Variants in KIAA0825 observed in about 807,000 individuals in gnomAD.
KIAA0825 encodes KIAA0825, also known as uncharacterized protein KIAA0825.
Under a neutral mutation model 147.6 loss-of-function variants are expected in KIAA0825, and 119 were observed. That is an observed-to-expected ratio of 0.81 (90% CI 0.69 to 0.94). KIAA0825 has a LOEUF of 0.94. Ranked by LOEUF, KIAA0825 falls within the 40% of genes least tolerant of loss-of-function variation. The pLI is 0.00. For synonymous variants in KIAA0825, 470 were observed against 518.1 expected, an observed-to-expected ratio of 0.91 and a Z score of 1.26; for missense variants, 1,381 against 1,472.7, an observed-to-expected ratio of 0.94 and a Z score of 1.02.
chr5:94,570,930 CTTAG>C (rs1252407612), intron 2 of KIAA0825, among the ~76,000 whole-genome samples: 3 of 152,154 alleles, frequency 2.0e-5, no homozygotes, highest in South Asian at 2.1e-4. Context: ...CCATGTCATA[CTTAG>C]TTATTTTTGT....
At chr5:94,207,573 T>C (rs1772320343) in intron 20 of KIAA0825, among the ~76,000 whole-genome samples, 1 of 152,206 alleles carries the variant, frequency 6.6e-6, no homozygotes, top group Non-Finnish European at 1.5e-5. Flanking sequence ...TTTTTTCAAG[T>C]GCATATTCTC....
rs144612994 is a variant in KIAA0825, at chr5:94,547,736, C to CAAAAAA, written c.-1-10615_-1-10610dup. On this transcript the variant is annotated intron_variant, in intron 2 of 20. Coordinates refer to ENST00000682413, the MANE Select transcript of KIAA0825 (RefSeq NM_001145678.3). Reference sequence around the variant, plus strand: ...TGCACGACAGGGTAAGACTCCCTTTCAAAAAAAAAAAGAATCGTAAAAGCA... The same window carrying CAAAAAA: ...TGCACGACAGGGTAAGACTCCCTTTCAAAAAAAAAAAAAAAAAGAATCGTAAAAGCA... Among the ~76,000 whole-genome samples, 288 of 127,672 alleles carry CAAAAAA rather than the reference C, an allele frequency of 2.3e-3. 2 individuals are homozygous for CAAAAAA. The highest frequency in any genetic ancestry group is 3.8e-3 in the Middle Eastern group (1 of 262). 83.8% of individuals were successfully genotyped at this position (127,672 alleles called of 152,430 possible).
intron 2 of KIAA0825, among the ~76,000 whole-genome samples, chr5:94,563,074 G>C (rs1443068098): frequency 6.6e-6 from 1 of 152,062 alleles, no homozygotes; most frequent in Non-Finnish European, 1.5e-5. Context: ...GGGCACGGTA[G>C]CTCACGCCTG....
chr5:94,593,253 A>G (rs1318742280), intron 1 of KIAA0825: 3 of 764,440 alleles, frequency 3.9e-6, no homozygotes, highest in Non-Finnish European at 7.3e-6. Flanking sequence ...CCTCTTGCTT[A>G]GCAGATCAGC....
intron 20 of KIAA0825, among the ~76,000 whole-genome samples, chr5:94,225,179 C>T (rs781272053): frequency 6.6e-6 from 1 of 152,058 alleles, no homozygotes; most frequent in Non-Finnish European, 1.5e-5. Flanking sequence ...AGTTGAAATG[C>T]CAACTGTGTG....
At chr5:94,183,379 T>C (rs1562299739) in intron 20 of KIAA0825, among the ~76,000 whole-genome samples, 1 of 152,178 alleles carries the variant, frequency 6.6e-6, no homozygotes, top group Non-Finnish European at 1.5e-5. Flanking sequence ...TAGGAGCATG[T>C]TTTGTTATAA....
At chr5:94,211,442 C>T (rs979174900) in intron 20 of KIAA0825, among the ~76,000 whole-genome samples, 29 of 152,166 alleles carry the variant, frequency 1.9e-4, no homozygotes, top group Non-Finnish European at 3.8e-4. Flanking sequence ...CAAGTCACCC[C>T]TTTGGTATCT....
At chr5:94,216,274 G>C (rs1773188213) in intron 20 of KIAA0825, among the ~76,000 whole-genome samples, 1 of 152,190 alleles carries the variant, frequency 6.6e-6, no homozygotes, top group African/African-American at 2.4e-5. Flanking sequence ...CAGTGTTCAA[G>C]GAAGATCACT....
intron 15 of KIAA0825, among the ~76,000 whole-genome samples, chr5:94,412,069 T>G (rs1399832414): frequency 9.2e-5 from 14 of 152,090 alleles, no homozygotes; most frequent in Non-Finnish European, 2.1e-4. Context: ...AATATATGTA[T>G]AAAACAAAGA....
intron 20 of KIAA0825, among the ~76,000 whole-genome samples, chr5:94,371,342 A>C (rs1446795968): frequency 1.3e-5 from 2 of 152,182 alleles, no homozygotes; most frequent in African/African-American, 4.8e-5. Flanking sequence ...AAAATACTGT[A>C]ATATTAATAG....
At chr5:94,311,035 T>C (rs1779122633) in intron 20 of KIAA0825, among the ~76,000 whole-genome samples, 3 of 151,596 alleles carry the variant, frequency 2.0e-5, no homozygotes, top group African/African-American at 7.3e-5. Context: ...TTTTGTAAAA[T>C]TGTAGAAAAA....
chr5:94,565,013 T>TCTCTCTCC (rs777953428), intron 2 of KIAA0825, among the ~76,000 whole-genome samples: 1 of 112,428 alleles, frequency 8.9e-6, no homozygotes, highest in East Asian at 2.3e-4. Flanking sequence ...TCTCTCCCTC[T>TCTCTCTCC]CTCTCTCTCT....
rs1297089008 is a variant in KIAA0825 at position 94,393,129 on chromosome 5, C to T, written c.3297-1435G>A. Among the ~76,000 whole-genome samples the T allele has an allele frequency of 2.6e-5, 4 of 152,144 alleles. No individual in the cohort carries two copies. The East Asian group carries it at 7.7e-4, about 29-fold the overall frequency. Reference sequence around the variant, plus strand: ...TGCAGGTGAAGCAAATGATTGGATTCAGTCAATGCTATGATTAATGAGTTC... The same window carrying T: ...TGCAGGTGAAGCAAATGATTGGATTTAGTCAATGCTATGATTAATGAGTTC... On this transcript the variant is annotated intron_variant, in intron 17 of 20. Coordinates refer to ENST00000682413, the MANE Select transcript of KIAA0825 (RefSeq NM_001145678.3).
chr5:94,459,847 G>C (rs138259560), intron 12 of KIAA0825, among the ~76,000 whole-genome samples: 198 of 152,124 alleles, frequency 1.3e-3, no homozygotes, highest in Non-Finnish European at 2.5e-3. Context: ...ATATACATAT[G>C]AAATTTATTA....
At chr5:94,468,183 T>G (rs571063124) in intron 10 of KIAA0825, among the ~76,000 whole-genome samples, 2 of 152,160 alleles carry the variant, frequency 1.3e-5, no homozygotes, top group Non-Finnish European at 2.9e-5. Flanking sequence ...TTAAAATACT[T>G]GGTAACTTCA....
chr5:94,580,545 C>T (rs73132682), intron 2 of KIAA0825, among the ~76,000 whole-genome samples: 2 of 150,656 alleles, frequency 1.3e-5, no homozygotes, highest in African/African-American at 4.9e-5. Flanking sequence ...GTGTTCCTGG[C>T]TGCTCCTTTG....
chr5:94,177,364 A>G (rs1769196301), intron 20 of KIAA0825, among the ~76,000 whole-genome samples: 2 of 152,060 alleles, frequency 1.3e-5, no homozygotes, highest in African/African-American at 2.4e-5. Flanking sequence ...ACCTGCTCCT[A>G]GATTCTGTGG....
chr5:94,189,663 C>T (rs1453588118), intron 20 of KIAA0825, among the ~76,000 whole-genome samples: 1 of 152,140 alleles, frequency 6.6e-6, no homozygotes, highest in Non-Finnish European at 1.5e-5. Flanking sequence ...CAGTTCTACA[C>T]TGTCTTGATT....
chr5:94,499,188 A>G (rs954353189), intron 5 of KIAA0825, among the ~76,000 whole-genome samples: 2 of 152,174 alleles, frequency 1.3e-5, no homozygotes, highest in Admixed American at 1.3e-4. Context: ...ACAGAATCAG[A>G]CATCATATGG....
Sources: gnomAD v4.1 joint callset for allele counts (sites outside exome capture counted in the v4.1 genomes callset) on GRCh38, gnomAD v4.1.1 for gene constraint, MANE v1.5 for transcripts, NCBI Gene and HGNC (gene_info 2026-07-23, HGNC 2026-07-21) for gene names.